The following KAZN variants were observed in gnomAD, a reference collection of about 807,000 sequenced individuals.
KAZN encodes kazrin.
In KAZN, 40 loss-of-function variants were observed where a neutral mutation model predicts 87.4. The observed-to-expected ratio is 0.46, with a 90% confidence interval of 0.36 to 0.60. KAZN has a LOEUF of 0.60. KAZN is among the 20% of genes least tolerant of loss of function. The probability of loss-of-function intolerance (pLI) is 0.00; values close to 1 mark genes in which losing one functional copy is unlikely to be tolerated. For synonymous variants in KAZN, 466 were observed against 458.3 expected (o/e 1.02, Z -0.22); for missense variants, 898 against 1,073.9 (o/e 0.84, Z 2.29).
chr1:14,409,084 A>G (rs956153224), intron 2 of KAZN, among the ~76,000 whole-genome samples: 3 of 152,188 alleles, frequency 2.0e-5, no homozygotes, highest in Admixed American at 6.5e-5. Context: ...GAACTTTCGG[A>G]AAGACTAGCA....
intron 2 of KAZN, among the ~76,000 whole-genome samples, chr1:14,353,458 A>T (rs1226576727): frequency 6.6e-6 from 1 of 151,956 alleles, no homozygotes; most frequent in East Asian, 1.9e-4. Context: ...TGACATTGTG[A>T]TCCACCCTCC....
chr1:15,020,738 C>G (rs1196531420), intron 2 of KAZN, among the ~76,000 whole-genome samples: 1 of 152,174 alleles, frequency 6.6e-6, no homozygotes, highest in East Asian at 1.9e-4. Flanking sequence ...TGAACTTTTT[C>G]GTGCAGGTGA....
intron 2 of KAZN, among the ~76,000 whole-genome samples, chr1:14,313,806 T>A (rs1655464306): frequency 6.6e-6 from 1 of 152,090 alleles, no homozygotes; most frequent in Non-Finnish European, 1.5e-5. Context: ...CCCAAAGACA[T>A]ATAAAATCGG....
At chr1:14,677,058 C>T (rs920251002) in intron 1 of KAZN, among the ~76,000 whole-genome samples, 1 of 152,196 alleles carries the variant, frequency 6.6e-6, no homozygotes, top group Non-Finnish European at 1.5e-5. Context: ...GCATCCTCTT[C>T]ATATTCTAGC....
intron 2 of KAZN, among the ~76,000 whole-genome samples, chr1:14,570,960 T>G (rs1674828125): frequency 6.6e-6 from 1 of 152,152 alleles, no homozygotes; most frequent in African/African-American, 2.4e-5. Context: ...TACCTGAATT[T>G]CTCATCTGCA....
At chr1:14,603,765 G>A (rs1385542174) in intron 1 of KAZN, among the ~76,000 whole-genome samples, 1 of 152,062 alleles carries the variant, frequency 6.6e-6, no homozygotes, top group South Asian at 2.1e-4. Context: ...GAAGACTGTT[G>A]GCACTTTTTA....
chr1:14,793,040 A>G (rs1438276078), intron 1 of KAZN, among the ~76,000 whole-genome samples: 1 of 149,684 alleles, frequency 6.7e-6, no homozygotes. Flanking sequence ...CAGCCGGAGG[A>G]GATGAGGGTC....
chr1:15,070,700 G>C (rs1020334468), intron 8 of KAZN, among the ~76,000 whole-genome samples: 2 of 152,228 alleles, frequency 1.3e-5, no homozygotes, highest in African/African-American at 4.8e-5. Context: ...AGTTAGCCAA[G>C]TGTGGTGGCA....
intron 1 of KAZN, among the ~76,000 whole-genome samples, chr1:14,005,540 T>C (rs895928573): frequency 6.6e-6 from 1 of 152,014 alleles, no homozygotes; most frequent in Non-Finnish European, 1.5e-5. Flanking sequence ...GTGTAGACAG[T>C]TGGGTATGTC....
At chr1:14,999,137 G>T (rs1384537121) in intron 2 of KAZN, among the ~76,000 whole-genome samples, 1 of 152,228 alleles carries the variant, frequency 6.6e-6, no homozygotes, top group African/African-American at 2.4e-5. Flanking sequence ...AGTGAGCCAT[G>T]GTGGTGCCAC....
At chr1:14,860,762 T>C (rs1042683076) in intron 1 of KAZN, among the ~76,000 whole-genome samples, 9 of 152,222 alleles carry the variant, frequency 5.9e-5, no homozygotes, top group African/African-American at 2.2e-4. Context: ...GGAGTTTAAT[T>C]GTGTTCTCAG....
At chr1:14,089,205 T>C (rs1439405892) in intron 1 of KAZN, among the ~76,000 whole-genome samples, 2 of 152,142 alleles carry the variant, frequency 1.3e-5, no homozygotes, top group East Asian at 3.9e-4. Flanking sequence ...TTTAAAATAG[T>C]TAGAATGTAG....
At chr1:14,756,001 C>T (rs1644554250) in intron 1 of KAZN, among the ~76,000 whole-genome samples, 1 of 152,124 alleles carries the variant, frequency 6.6e-6, no homozygotes, top group Non-Finnish European at 1.5e-5. Flanking sequence ...CTTGAGAGGC[C>T]CTGTCCACTG....
intron 2 of KAZN, among the ~76,000 whole-genome samples, chr1:14,541,039 C>G (rs1040173742): frequency 6.6e-5 from 10 of 152,116 alleles, no homozygotes; most frequent in African/African-American, 2.4e-4. Flanking sequence ...AAGGAGTGGG[C>G]AACAGACCCC....
intron 2 of KAZN, among the ~76,000 whole-genome samples, chr1:14,384,693 T>C (rs1463925229): frequency 6.6e-6 from 1 of 151,924 alleles, no homozygotes; most frequent in African/African-American, 2.4e-5. Context: ...ATAAGCTTTT[T>C]GATGTGCTGC....
At chr1:14,353,229 T>TC in intron 2 of KAZN, among the ~76,000 whole-genome samples, 1 of 151,300 alleles carries the variant, frequency 6.6e-6, no homozygotes, top group South Asian at 2.1e-4. Flanking sequence ...ACATCACTTT[T>TC]TTTTTTTTTT....
chr1:15,037,500 T>G (rs2100259460), intron 3 of KAZN, among the ~76,000 whole-genome samples: 1 of 152,288 alleles, frequency 6.6e-6, no homozygotes, highest in African/African-American at 2.4e-5. Context: ...GGATGAAGAT[T>G]GCAACTACTC....
chr1:15,045,836 T>C (rs2100360827), intron 4 of KAZN, among the ~76,000 whole-genome samples: 1 of 152,284 alleles, frequency 6.6e-6, no homozygotes, highest in South Asian at 2.1e-4. Context: ...ATTCTATCAC[T>C]ATCACGAGAA....
chr1:15,077,162 T>A lies in KAZN; in HGVS notation c.1222+11409T>A, dbSNP rs1185894535. 8.1e-6 allele frequency among the ~76,000 whole-genome samples: 1 copy of A among 122,938 alleles called. No individual in the cohort carries two copies. The highest frequency in any genetic ancestry group is 1.8e-5 in the Non-Finnish European group (1 of 54,396). The allele number at this position is 122,938 out of a possible 152,430, so 80.7% of individuals were successfully genotyped here. A position where few individuals can be genotyped will look rare whatever the true frequency, so the allele number is the denominator to read the frequency against. The stretch of plus-strand genomic sequence containing the variant: ...CCAAGTCTTTCATATTGACAACTAA[T>A]TTTTTTTTAATTTAGTGTCCATTGG... On this transcript the variant is annotated intron_variant, in intron 8 of 14. Transcript: ENST00000376030. This position sits in a 1 kb window ranked among gnomAD's most constrained non-coding sequence, Gnocchi z 4.8.
Sources: gnomAD v4.1 joint callset for allele counts (sites outside exome capture counted in the v4.1 genomes callset) on GRCh38, gnomAD v4.1.1 for gene constraint, Gnocchi (gnomAD v3.1) non-coding constraint, MANE v1.5 for transcripts, NCBI Gene and HGNC (gene_info 2026-07-23, HGNC 2026-07-21) for gene names.